The following KIF26B variants were observed in gnomAD, a reference collection of about 807,000 sequenced individuals.
KIF26B encodes the protein kinesin-like protein KIF26B.
KIF26B carries 63 observed loss-of-function variants against 151.2 expected under a neutral mutation model. That is an observed-to-expected ratio of 0.42 (90% CI 0.34 to 0.51). The LOEUF (loss-of-function observed/expected upper bound fraction) is 0.51. Ranked by LOEUF, KIF26B falls within the 20% of genes least tolerant of loss-of-function variation. The probability of loss-of-function intolerance (pLI) is 0.07; values close to 1 mark genes in which losing one functional copy is unlikely to be tolerated. For missense variants in KIF26B, 2,813 were observed against 2,913.6 expected, an observed-to-expected ratio of 0.97 and a Z score of 0.79; for synonymous variants, 1,357 against 1,262.1, an observed-to-expected ratio of 1.08 and a Z score of -1.59.
At position 245,241,155 on chromosome 1, in the gene KIF26B, C is replaced by T. The variant is rs112464335; in HGVS notation, c.465+84472C>T. Among the ~76,000 whole-genome samples the T allele has an allele frequency of 5.6e-3, 856 of 152,260 alleles. 8 individuals are homozygous for T. Among genetic ancestry groups the T allele is most frequent in the African/African-American group, 0.02 (820 of 41,550 alleles). ...GTTTCTTCCCGTTACCAGTAAATGT[C>T]GGAATTTCCTGAGTGCAGCTCTGAA... On this transcript the variant is annotated intron_variant, in intron 2 of 14. Transcript: ENST00000407071. This position sits in a 1 kb window ranked among gnomAD's most constrained non-coding sequence, Gnocchi z 5.0.
chr1:245,322,800 C>T (rs570498639), intron 2 of KIF26B, among the ~76,000 whole-genome samples: 5 of 152,204 alleles, frequency 3.3e-5, no homozygotes, highest in South Asian at 2.1e-4. Context: ...AAAAGGTAAC[C>T]GAGGGTCAGA....
Position 245,260,129 on chromosome 1 carries a change from C to T in KIF26B, c.465+103446C>T, listed in dbSNP as rs570924759. 2.6e-5 allele frequency among the ~76,000 whole-genome samples: 4 copies of T among 152,048 alleles called. No homozygotes were observed. The East Asian group carries it at 5.8e-4, about 22-fold the overall frequency. ...TGAGCCAGGCAAGGAGAGGAGGTAA[C>T]AGAACACTGGTGGAGTTGATGGTGA... On this transcript the variant is annotated intron_variant, in intron 2 of 14. Transcript: ENST00000407071.
At chr1:245,332,391 A>G (rs188843900) in intron 2 of KIF26B, among the ~76,000 whole-genome samples, 1,735 of 152,292 alleles carry the variant, frequency 0.011, 18 homozygotes, top group South Asian at 0.037. Context: ...GGTTCTCACA[A>G]TTCATCAGTG....
At chr1:245,248,242 G>A (rs375402320) in intron 2 of KIF26B, among the ~76,000 whole-genome samples, 10 of 152,114 alleles carry the variant, frequency 6.6e-5, no homozygotes, top group East Asian at 3.9e-4. Flanking sequence ...TAGCTGGAAC[G>A]CTGTCTGGAC....
At chr1:245,636,206 A>G (rs1241469810) in intron 9 of KIF26B, among the ~76,000 whole-genome samples, 1 of 152,106 alleles carries the variant, frequency 6.6e-6, no homozygotes, top group Non-Finnish European at 1.5e-5. Flanking sequence ...AGATGGGGGT[A>G]TTTGAAATTG....
intron 4 of KIF26B, among the ~76,000 whole-genome samples, chr1:245,432,522 T>C (rs1387434076): frequency 6.6e-6 from 1 of 152,172 alleles, no homozygotes; most frequent in East Asian, 1.9e-4. Flanking sequence ...AAAGTAGGGC[T>C]CTCCATCTTT....
chr1:245,267,639 C>G (rs1340052526), intron 2 of KIF26B, among the ~76,000 whole-genome samples: 1 of 25,096 alleles, frequency 4.0e-5, no homozygotes, highest in African/African-American at 6.2e-4. Flanking sequence ...GTAATGCACA[C>G]ACACACACAC....
At chr1:245,276,331 T>TA (rs35637367) in intron 2 of KIF26B, among the ~76,000 whole-genome samples, 9,071 of 146,982 alleles carry the variant, frequency 0.062, 299 homozygotes, top group Middle Eastern at 0.088. Context: ...ACTTCCATCT[T>TA]AAAAAAAAAA....
chr1:245,458,957 A>G (rs1464355698), intron 4 of KIF26B, among the ~76,000 whole-genome samples: 1 of 152,238 alleles, frequency 6.6e-6, no homozygotes, highest in African/African-American at 2.4e-5. Flanking sequence ...TGGGGTTATT[A>G]CTTGCATCAA....
chr1:245,677,685 G>A (rs919972481), intron 10 of KIF26B, among the ~76,000 whole-genome samples: 11 of 152,222 alleles, frequency 7.2e-5, no homozygotes, highest in South Asian at 6.2e-4. Flanking sequence ...CCAGAGGGGA[G>A]GCGTCCAAAG....
In KIF26B at chr1:245,685,557, C is replaced by T. The variant is rs368013831; in HGVS notation, c.2574C>T (p.Ser858=). 110 of 1,613,692 alleles carry T rather than the reference C, an allele frequency of 6.8e-5. No homozygotes were observed. Among genetic ancestry groups the T allele is most frequent in the Non-Finnish European group, 8.6e-5 (101 of 1,179,888 alleles). ...GCGACCCCGACTACTCCTCCAGCAGCGAGCAGTCCTGCGACACCGTCATCT... is the reference window on the plus strand; with the variant it reads ...GCGACCCCGACTACTCCTCCAGCAGTGAGCAGTCCTGCGACACCGTCATCT... The part of the protein sequence containing the change: ...LSSDPDYSSS[S]EQSCDTVIYI... The change falls in exon 12 of 15, where the codon AGC becomes AGT. Residue 858 remains serine (S), a synonymous_variant. Coordinates refer to ENST00000407071, the MANE Select transcript of KIF26B (RefSeq NM_018012.4).
chr1:245,468,267 A>G (rs1238697021), intron 4 of KIF26B, among the ~76,000 whole-genome samples: 3 of 152,230 alleles, frequency 2.0e-5, no homozygotes, highest in African/African-American at 4.8e-5. Context: ...CAGAGTTACC[A>G]TAAACCACTT....
intron 2 of KIF26B, among the ~76,000 whole-genome samples, chr1:245,345,762 G>A (rs749509206): frequency 5.3e-5 from 8 of 151,928 alleles, no homozygotes; most frequent in Admixed American, 5.2e-4. Context: ...CTGCTTTCAC[G>A]GTGTAAACTG....
chr1:245,400,392 A>C (rs563590764), intron 3 of KIF26B, among the ~76,000 whole-genome samples: 33 of 152,184 alleles, frequency 2.2e-4, no homozygotes, highest in Non-Finnish European at 2.9e-5. Context: ...ATGGCATATA[A>C]TTTTAATATT....
At chr1:245,418,509 C>T (rs1198318535) in intron 3 of KIF26B, among the ~76,000 whole-genome samples, 2 of 152,198 alleles carry the variant, frequency 1.3e-5, no homozygotes, top group Non-Finnish European at 2.9e-5. Context: ...TTTAAAGGTT[C>T]ACAAATGGGC....
At chr1:245,530,556 T>C (rs1361564671) in intron 4 of KIF26B, among the ~76,000 whole-genome samples, 3 of 152,214 alleles carry the variant, frequency 2.0e-5, no homozygotes, top group Non-Finnish European at 4.4e-5. Context: ...CTGGAGGTCA[T>C]TATGTTAAGT....
intron 2 of KIF26B, among the ~76,000 whole-genome samples, chr1:245,290,428 G>C (rs1274918026): frequency 1.3e-5 from 2 of 152,222 alleles, no homozygotes; most frequent in African/African-American, 4.8e-5. Context: ...ACCGAGGGTT[G>C]CTGGTTGCCC....
intron 2 of KIF26B, among the ~76,000 whole-genome samples, chr1:245,264,125 G>A (rs1670698716): frequency 6.6e-6 from 1 of 152,184 alleles, no homozygotes; most frequent in African/African-American, 2.4e-5. Flanking sequence ...TCTCTTCAAA[G>A]TGTGTTCCAT....
At chr1:245,444,202 TAGAGGA>T (rs1409281000) in intron 4 of KIF26B, among the ~76,000 whole-genome samples, 15,137 of 139,784 alleles carry the variant, frequency 0.11, 538 homozygotes, top group African/African-American at 0.18. Context: ...ACTGTTCACC[TAGAGGA>T]GAGGTCATCT....
Sources: allele counts gnomAD v4.1 joint callset (sites outside exome capture counted in the v4.1 genomes callset), GRCh38; gene constraint gnomAD v4.1.1; non-coding constraint Gnocchi (gnomAD v3.1); transcripts MANE v1.5; gene names NCBI Gene and HGNC (gene_info 2026-07-23, HGNC 2026-07-21).